Variants in FSTL4 observed in about 807,000 individuals in gnomAD.
FSTL4 encodes follistatin like 4.
A neutral mutation model predicts 78.2 loss-of-function variants in FSTL4; 28 were observed. The observed-to-expected ratio is 0.36, with a 90% CI of 0.27 to 0.49. The LOEUF is 0.49. FSTL4 is among the 20% of genes least tolerant of loss of function. The probability of loss-of-function intolerance (pLI) is 0.98; values close to 1 mark genes in which losing one functional copy is unlikely to be tolerated. For synonymous variants in FSTL4, 422 were observed against 440.5 expected (o/e 0.96, Z 0.53); for missense variants, 922 against 1,084.9 (o/e 0.85, Z 2.11).
At chr5:133,648,973 A>G in the FSTL4 span, among the ~76,000 whole-genome samples, 2 of 152,190 alleles carry the variant, frequency 1.3e-5, no homozygotes, top group Admixed American at 1.3e-4. Context: ...CTATTATAGT[A>G]TCATACAAAG....
At chr5:133,420,413 A>G (rs1162818334) in intron 3 of FSTL4, among the ~76,000 whole-genome samples, 1 of 152,220 alleles carries the variant, frequency 6.6e-6, no homozygotes, top group African/African-American at 2.4e-5. Context: ...TTCAGGTTTT[A>G]CTTTTTGTTC....
intron 3 of FSTL4, among the ~76,000 whole-genome samples, chr5:133,556,020 GC>G (rs765231345): frequency 1.4e-4 from 21 of 152,162 alleles, no homozygotes; most frequent in Admixed American, 4.6e-4. Context: ...CCCTTTGGTA[GC>G]AGCAGCAAGA....
the FSTL4 span, among the ~76,000 whole-genome samples, chr5:133,621,331 T>C: frequency 6.6e-6 from 1 of 151,590 alleles, no homozygotes; most frequent in Non-Finnish European, 1.5e-5. Flanking sequence ...ACCCGGGAGG[T>C]GGAGCTTGCA....
At chr5:133,466,111 TC>T (rs1398738286) in intron 3 of FSTL4, among the ~76,000 whole-genome samples, 1 of 152,234 alleles carries the variant, frequency 6.6e-6, no homozygotes, top group Non-Finnish European at 1.5e-5. Flanking sequence ...AGCAAGTTTC[TC>T]ACCACATCCT....
intron 3 of FSTL4, among the ~76,000 whole-genome samples, chr5:133,515,677 C>CTT (rs1311340809): frequency 9.9e-5 from 14 of 141,406 alleles, no homozygotes; most frequent in African/African-American, 3.4e-4. Flanking sequence ...ATATCACCTG[C>CTT]TTTTTTTTTT....
intron 3 of FSTL4, among the ~76,000 whole-genome samples, chr5:133,553,459 C>T (rs891655078): frequency 1.3e-5 from 2 of 152,172 alleles, no homozygotes; most frequent in African/African-American, 4.8e-5. Flanking sequence ...ACAGGGACAT[C>T]CCACCACAAA....
chr5:133,282,072 T>C (rs1753022223), intron 6 of FSTL4, among the ~76,000 whole-genome samples: 1 of 152,104 alleles, frequency 6.6e-6, no homozygotes, highest in Admixed American at 6.5e-5. Flanking sequence ...GAATGGCGGA[T>C]GAGTGAGTCC....
At chr5:133,779,968 A>G in the FSTL4 span, among the ~76,000 whole-genome samples, 3 of 152,166 alleles carry the variant, frequency 2.0e-5, no homozygotes, top group Non-Finnish European at 4.4e-5. Context: ...GGTGAGCACC[A>G]TATCACCAAG....
chr5:133,695,898 G>A, the FSTL4 span, among the ~76,000 whole-genome samples: 1 of 152,194 alleles, frequency 6.6e-6, no homozygotes, highest in South Asian at 2.1e-4. Context: ...ATGAAGTGGA[G>A]CCCAGGTTCC....
chr5:133,637,986 T>A, the FSTL4 span, among the ~76,000 whole-genome samples: 1 of 151,806 alleles, frequency 6.6e-6, no homozygotes, highest in Non-Finnish European at 1.5e-5. Flanking sequence ...ATAAATTAAT[T>A]AATGGGCTCA....
intron 3 of FSTL4, among the ~76,000 whole-genome samples, chr5:133,549,020 T>G (rs1759637630): frequency 6.6e-6 from 1 of 152,202 alleles, no homozygotes; most frequent in South Asian, 2.1e-4. Context: ...CTAGCTACTT[T>G]GAGGGTTATC....
intron 6 of FSTL4, among the ~76,000 whole-genome samples, chr5:133,274,986 G>A (rs979596756): frequency 6.6e-6 from 1 of 152,202 alleles, no homozygotes; most frequent in Admixed American, 6.5e-5. Context: ...TTTAGGCTGG[G>A]CACAGTGGCT....
the FSTL4 span, among the ~76,000 whole-genome samples, chr5:133,709,976 C>A: frequency 6.6e-6 from 1 of 152,190 alleles, no homozygotes; most frequent in African/African-American, 2.4e-5. Flanking sequence ...TAGGAAACTA[C>A]CCCTGCAGAG....
chr5:133,528,522 A>G (rs939756535), intron 3 of FSTL4, among the ~76,000 whole-genome samples: 3 of 152,174 alleles, frequency 2.0e-5, no homozygotes, highest in East Asian at 1.9e-4. Context: ...CTCATGCTAC[A>G]TGTCACGCTG....
chr5:133,220,390 G>A (rs115445115), intron 12 of FSTL4, among the ~76,000 whole-genome samples: 7,230 of 152,278 alleles, frequency 0.047, 255 homozygotes, highest in Non-Finnish European at 0.072. Flanking sequence ...ATGTTCCATC[G>A]TTATTTTCTA....
chr5:133,744,912 A>T, the FSTL4 span, among the ~76,000 whole-genome samples: 2 of 152,340 alleles, frequency 1.3e-5, no homozygotes, highest in East Asian at 3.8e-4. Context: ...GGATACTCCC[A>T]TACCTGGTCT....
At chr5:133,775,937 A>C in the FSTL4 span, among the ~76,000 whole-genome samples, 1 of 152,184 alleles carries the variant, frequency 6.6e-6, no homozygotes, top group South Asian at 2.1e-4. Context: ...CATTTTCCCC[A>C]CTACCTTATA....
intron 4 of FSTL4, among the ~76,000 whole-genome samples, chr5:133,339,144 C>G (rs1463860156): frequency 6.6e-6 from 1 of 152,162 alleles, no homozygotes; most frequent in Non-Finnish European, 1.5e-5. Flanking sequence ...CCTACCATCA[C>G]CTTGGGGCTA....
chr5:133,701,952 G>A, the FSTL4 span, among the ~76,000 whole-genome samples: 8 of 152,030 alleles, frequency 5.3e-5, no homozygotes, highest in African/African-American at 1.9e-4. Flanking sequence ...TCATGTCCTG[G>A]CGCCCAGGAA....
Sources: gnomAD v4.1 joint callset for allele counts (sites outside exome capture counted in the v4.1 genomes callset) on GRCh38, gnomAD v4.1.1 for gene constraint, MANE v1.5 for transcripts, NCBI Gene and HGNC (gene_info 2026-07-23, HGNC 2026-07-21) for gene names.